Variants in SORCS2 observed in about 807,000 individuals in gnomAD.
The protein encoded by SORCS2 is VPS10 domain-containing receptor SorCS2.
A neutral mutation model predicts 141.6 loss-of-function variants in SORCS2; 100 were observed. That is an observed-to-expected ratio of 0.71 (90% CI 0.60 to 0.83). The LOEUF (loss-of-function observed/expected upper bound fraction) is 0.83. Among genes scored for constraint, SORCS2 ranks in the 40% least tolerant of loss-of-function variants. SORCS2 has a pLI of 0.00. For synonymous variants in SORCS2, 789 were observed against 676.9 expected, an observed-to-expected ratio of 1.17 and a Z score of -2.57; for missense variants, 1,646 against 1,560.2, an observed-to-expected ratio of 1.05 and a Z score of -0.93.
intron 3 of SORCS2, among the ~76,000 whole-genome samples, chr4:7,634,776 G>A (rs1443606705): frequency 2.0e-5 from 3 of 152,200 alleles, no homozygotes; most frequent in Non-Finnish European, 2.9e-5. Flanking sequence ...TCCTGGCCGG[G>A]AAGGGCAGTG....
chr4:7,232,300 T>A (rs1281240796), intron 1 of SORCS2, among the ~76,000 whole-genome samples: 1 of 152,140 alleles, frequency 6.6e-6, no homozygotes, highest in Non-Finnish European at 1.5e-5. Context: ...CCCTGTGGCC[T>A]TTTCCTGGGG....
intron 25 of SORCS2, among the ~76,000 whole-genome samples, chr4:7,735,648 T>C (rs80262241): frequency 0.014 from 2,208 of 152,280 alleles, 71 homozygotes; most frequent in African/African-American, 0.05. Context: ...TGTCCTGTGG[T>C]CTTTCCCAAG....
chr4:7,486,974 C>T (rs1308360385), intron 2 of SORCS2, among the ~76,000 whole-genome samples: 3 of 152,250 alleles, frequency 2.0e-5, no homozygotes, highest in Admixed American at 6.5e-5. Context: ...TTGGGTGGGT[C>T]ACTATTCAAC....
chr4:7,467,158 C>A (rs1729669321), intron 2 of SORCS2, among the ~76,000 whole-genome samples: 1 of 152,170 alleles, frequency 6.6e-6, no homozygotes. Flanking sequence ...CCAGAGCATG[C>A]CACAAGTGGT....
At chr4:7,366,048 C>G (rs546375524) in intron 1 of SORCS2, among the ~76,000 whole-genome samples, 1 of 152,112 alleles carries the variant, frequency 6.6e-6, no homozygotes, top group African/African-American at 2.4e-5. Flanking sequence ...TGACATCCGT[C>G]AGCGCAGGCA....
At chr4:7,247,405 T>G (rs1023534242) in intron 1 of SORCS2, among the ~76,000 whole-genome samples, 1 of 152,166 alleles carries the variant, frequency 6.6e-6, no homozygotes, top group Non-Finnish European at 1.5e-5. Context: ...ATTATTGGAA[T>G]GAATAAACAA....
At chr4:7,620,459 G>T (rs1421089096) in intron 3 of SORCS2, among the ~76,000 whole-genome samples, 8 of 152,330 alleles carry the variant, frequency 5.3e-5, no homozygotes, top group African/African-American at 1.9e-4. Context: ...CATCCATCAG[G>T]CATCTGTCCA....
intron 1 of SORCS2, among the ~76,000 whole-genome samples, chr4:7,198,745 C>T (rs781145494): frequency 6.6e-6 from 1 of 152,098 alleles, no homozygotes; most frequent in East Asian, 1.9e-4. Context: ...CAAGCCTGTC[C>T]GGGACCCTGG....
At chr4:7,470,160 C>G (rs1156859491) in intron 2 of SORCS2, among the ~76,000 whole-genome samples, 3 of 152,048 alleles carry the variant, frequency 2.0e-5, no homozygotes, top group Non-Finnish European at 4.4e-5. Context: ...ATATATCTAT[C>G]CAGTCATCCA....
chr4:7,641,661 C>T (rs1183198988), intron 4 of SORCS2, among the ~76,000 whole-genome samples: 1 of 152,032 alleles, frequency 6.6e-6, no homozygotes, highest in African/African-American at 2.4e-5. Flanking sequence ...AAGTGCCCGG[C>T]TGAAAATATT....
intron 2 of SORCS2, among the ~76,000 whole-genome samples, chr4:7,440,858 C>A (rs1413592112): frequency 6.6e-6 from 1 of 152,170 alleles, no homozygotes; most frequent in Non-Finnish European, 1.5e-5. Flanking sequence ...CTGCTGGGAG[C>A]TGCGGGGTGA....
At chr4:7,693,761 G>T (rs905075019) in intron 11 of SORCS2, among the ~76,000 whole-genome samples, 3 of 152,270 alleles carry the variant, frequency 2.0e-5, no homozygotes, top group African/African-American at 7.2e-5. Flanking sequence ...CTCAGAGCCA[G>T]TTGCAGGCCC....
chr4:7,605,534 G>A (rs539463838), intron 3 of SORCS2, among the ~76,000 whole-genome samples: 23 of 152,248 alleles, frequency 1.5e-4, no homozygotes, highest in Middle Eastern at 3.4e-3. Context: ...AAAGAATCCT[G>A]TTTTCTTGCA....
intron 3 of SORCS2, among the ~76,000 whole-genome samples, chr4:7,584,415 C>G (rs1317875480): frequency 6.6e-6 from 1 of 152,146 alleles, no homozygotes; most frequent in Non-Finnish European, 1.5e-5. Context: ...CCATGATGGG[C>G]TGAAGGCACA....
chr4:7,668,960 C>G (rs1057467176), intron 8 of SORCS2, among the ~76,000 whole-genome samples: 1 of 152,180 alleles, frequency 6.6e-6, no homozygotes, highest in East Asian at 1.9e-4. Flanking sequence ...AGTCAGCCTG[C>G]TGCCAAGGGT....
At chr4:7,619,922 C>A (rs539976381) in intron 3 of SORCS2, among the ~76,000 whole-genome samples, 2 of 152,198 alleles carry the variant, frequency 1.3e-5, no homozygotes, top group East Asian at 3.9e-4. Context: ...GATTCGTCAG[C>A]CCCTGCCCCT....
chr4:7,654,652 G>T (rs143307873), intron 5 of SORCS2, among the ~76,000 whole-genome samples: 1 of 152,108 alleles, frequency 6.6e-6, no homozygotes, highest in African/African-American at 2.4e-5. Flanking sequence ...GACAGACCCC[G>T]TGGGTGCCGA....
At chr4:7,370,383 A>G (rs890396369) in intron 1 of SORCS2, among the ~76,000 whole-genome samples, 1 of 152,210 alleles carries the variant, frequency 6.6e-6, no homozygotes, top group Non-Finnish European at 1.5e-5. Flanking sequence ...TCGGCTCTGC[A>G]GAGAAGCAGG....
At chr4:7,424,117 C>G (rs1002088738) in intron 2 of SORCS2, among the ~76,000 whole-genome samples, 1 of 152,176 alleles carries the variant, frequency 6.6e-6, no homozygotes, top group Non-Finnish European at 1.5e-5. Flanking sequence ...GCCTGTCACC[C>G]TGGGTCTCAC....
Sources: allele counts gnomAD v4.1 joint callset (sites outside exome capture counted in the v4.1 genomes callset), GRCh38; gene constraint gnomAD v4.1.1; transcripts MANE v1.5; gene names NCBI Gene and HGNC (gene_info 2026-07-23, HGNC 2026-07-21).